Variants in CHIC1 observed in about 807,000 individuals in gnomAD.
The protein encoded by CHIC1 is cysteine-rich hydrophobic domain-containing protein 1.
Under a neutral mutation model 18.5 loss-of-function variants are expected in CHIC1, and 7 were observed. That is an observed-to-expected ratio of 0.38 (90% CI 0.22 to 0.71). The LOEUF (loss-of-function observed/expected upper bound fraction) is 0.71, where lower values mean the gene tolerates loss of function less well. CHIC1 is among the 30% of genes least tolerant of loss of function. The pLI, the probability that CHIC1 is intolerant of heterozygous loss-of-function variation, is 0.49. For synonymous variants in CHIC1, 77 were observed against 73.5 expected, an observed-to-expected ratio of 1.05 and a Z score of -0.25; for missense variants, 159 against 176.9, an observed-to-expected ratio of 0.90 and a Z score of 0.57.
At chrX:73,637,143 A>G (rs774838207) in intron 3 of CHIC1, among the ~76,000 whole-genome samples, 1 of 111,377 alleles carries the variant, frequency 9.0e-6, no homozygotes, top group Admixed American at 9.6e-5. Flanking sequence ...GTTTTGCTGC[A>G]TATGGAATTC....
At chrX:73,582,611 T>G in intron 2 of CHIC1, among the ~76,000 whole-genome samples, 1 of 110,629 alleles carries the variant, frequency 9.0e-6, no homozygotes. Context: ...ACCCATTGCC[T>G]TCAGGTGAGA....
At chrX:73,673,139 T>A (rs2058041094) in intron 3 of CHIC1, among the ~76,000 whole-genome samples, 1 of 112,254 alleles carries the variant, frequency 8.9e-6, no homozygotes, top group Non-Finnish European at 1.9e-5. Context: ...CATGCTGTTT[T>A]GGTTACTGTA....
chrX:73,631,993 G>C (rs1391087977), intron 3 of CHIC1, among the ~76,000 whole-genome samples: 1 of 112,172 alleles, frequency 8.9e-6, no homozygotes, highest in Admixed American at 9.4e-5. Context: ...CAATTGAGAA[G>C]ATTGTGTATT....
At chrX:73,656,294 CTTTAG>C (rs1402098963) in intron 3 of CHIC1, among the ~76,000 whole-genome samples, 1 of 111,558 alleles carries the variant, frequency 9.0e-6, no homozygotes, top group African/African-American at 3.3e-5. Flanking sequence ...TGCAGAAGCT[CTTTAG>C]TTTAACTAGA....
rs1205189133 is a variant in CHIC1 at position 73,618,632 on chromosome X, C to A, written c.507+34060C>A. 2.7e-5 allele frequency among the ~76,000 whole-genome samples: 3 copies of A among 111,981 alleles called. No homozygotes were observed. In the East Asian group the frequency reaches 8.6e-4, roughly 32 times the overall value. ...GTCTCACTTCCACCATGCCCCACCCCCAACAGCACCAAGTTGGTTTTCAGG... is the reference window on the plus strand; with the variant it reads ...GTCTCACTTCCACCATGCCCCACCCACAACAGCACCAAGTTGGTTTTCAGG... On this transcript the variant is annotated intron_variant, in intron 3 of 5. Coordinates refer to ENST00000373502, the MANE Select transcript of CHIC1 (RefSeq NM_001039840.4).
intron 3 of CHIC1, among the ~76,000 whole-genome samples, chrX:73,641,374 ACC>A (rs1386848861): frequency 9.1e-6 from 1 of 109,311 alleles, no homozygotes; most frequent in Non-Finnish European, 1.9e-5. Flanking sequence ...TGAGTTTGGG[ACC>A]TTTATATCTT....
At chrX:73,581,993 C>G (rs1228434993) in intron 2 of CHIC1, among the ~76,000 whole-genome samples, 1 of 110,357 alleles carries the variant, frequency 9.1e-6, no homozygotes, top group Non-Finnish European at 1.9e-5. Context: ...GCTTTTGTCT[C>G]CCTCAGTCTT....
intron 3 of CHIC1, among the ~76,000 whole-genome samples, chrX:73,668,863 G>T (rs776112857): frequency 8.0e-5 from 9 of 112,571 alleles, no homozygotes; most frequent in African/African-American, 2.9e-4. Context: ...CTGCATTTTG[G>T]CAGAGCAGCT....
intron 3 of CHIC1, among the ~76,000 whole-genome samples, chrX:73,655,634 T>A (rs868260942): frequency 2.5e-4 from 2 of 7,862 alleles, no homozygotes; most frequent in African/African-American, 3.6e-4. Flanking sequence ...ATATATATAG[T>A]GTGTGTGTGT....
Position 73,600,378 on chromosome X carries a change from G to A in CHIC1, c.507+15806G>A, listed in dbSNP as rs1388621928. Among the ~76,000 whole-genome samples the A allele has an allele frequency of 3.4e-4, 33 of 98,258 alleles. 2 individuals carry two copies. Among genetic ancestry groups the A allele is most frequent in the African/African-American group, 1.3e-3 (31 of 24,472 alleles). 85.3% of individuals were successfully genotyped at this position (98,258 alleles called of 115,157 possible). A position where few individuals can be genotyped will look rare whatever the true frequency, so the allele number is the denominator to read the frequency against. On this transcript the variant is annotated intron_variant, in intron 3 of 5. Transcript: ENST00000373502. ...AGAACTTCCAACACTATGTTGAATA[G>A]GAGTGGTGAGAGAGGGCATCCCTGT...
intron 3 of CHIC1, among the ~76,000 whole-genome samples, chrX:73,585,530 T>TA (rs1040812545): frequency 1.8e-5 from 2 of 109,288 alleles, no homozygotes; most frequent in Non-Finnish European, 1.9e-5. Flanking sequence ...TTTCTATAAA[T>TA]AAAAAAAAAG....
rs775200853 is a variant in CHIC1, at chrX:73,603,278, A to T, written c.507+18706A>T. ...TCTATTTGTAGCAATTGTGAATGGG[A>T]GTTCACTCATTATTTGGCTGTTTGT... On this transcript the variant is annotated intron_variant, in intron 3 of 5. Transcript: ENST00000373502. Among the ~76,000 whole-genome samples, 49 of 107,995 alleles carry T rather than the reference A, an allele frequency of 4.5e-4. 2 individuals carry two copies. The highest frequency in any genetic ancestry group is 3.9e-4 in the South Asian group (1 of 2,596). 93.8% of individuals were successfully genotyped at this position (107,995 alleles called of 115,157 possible). A position where few individuals can be genotyped will look rare whatever the true frequency, so the allele number is the denominator to read the frequency against.
chrX:73,620,852 A>C (rs1394288253), intron 3 of CHIC1, among the ~76,000 whole-genome samples: 1 of 111,948 alleles, frequency 8.9e-6, no homozygotes, highest in Non-Finnish European at 1.9e-5. Context: ...TTAAGCCTTT[A>C]ATCCATCTTG....
chrX:73,570,532 A>G (rs1207256077), intron 1 of CHIC1, among the ~76,000 whole-genome samples: 4 of 111,158 alleles, frequency 3.6e-5, no homozygotes, highest in Non-Finnish European at 5.7e-5. Context: ...ATAGAAATGA[A>G]TTTGAAAGGG....
chrX:73,605,606 GAT>G (rs1383254087), intron 3 of CHIC1, among the ~76,000 whole-genome samples: 6 of 108,661 alleles, frequency 5.5e-5, no homozygotes, highest in Non-Finnish European at 1.1e-4. Flanking sequence ...TTTAAAATTT[GAT>G]ATGTTTTTGC....
chrX:73,619,270 C>G (rs1391633954), intron 3 of CHIC1, among the ~76,000 whole-genome samples: 3 of 111,115 alleles, frequency 2.7e-5, no homozygotes, highest in Non-Finnish European at 5.7e-5. Flanking sequence ...ATGTGAATCT[C>G]TACACACTGC....
chrX:73,632,015 G>T (rs1055835997), intron 3 of CHIC1, among the ~76,000 whole-genome samples: 8 of 111,764 alleles, frequency 7.2e-5, no homozygotes, highest in Admixed American at 5.7e-4. Flanking sequence ...TGCTGTTGTT[G>T]GATGGAATTT....
chrX:73,633,482 G>T (rs2057817770), intron 3 of CHIC1, among the ~76,000 whole-genome samples: 1 of 111,311 alleles, frequency 9.0e-6, no homozygotes, highest in Non-Finnish European at 1.9e-5. Flanking sequence ...TTTGACTTTT[G>T]ACAATTTCAT....
chrX:73,661,593 T>A (rs1171725733), intron 3 of CHIC1, among the ~76,000 whole-genome samples: 1 of 111,869 alleles, frequency 8.9e-6, no homozygotes, highest in Non-Finnish European at 1.9e-5. Context: ...GGCTCAAATA[T>A]GTGATATTTG....
Sources: allele counts gnomAD v4.1 joint callset (sites outside exome capture counted in the v4.1 genomes callset), GRCh38; gene constraint gnomAD v4.1.1; transcripts MANE v1.5; gene names NCBI Gene and HGNC (gene_info 2026-07-23, HGNC 2026-07-21).